KAT6B: variants seen among roughly 807,000 people sequenced by gnomAD.
KAT6B encodes the protein histone acetyltransferase KAT6B.
KAT6B carries 10 observed loss-of-function variants against 187.5 expected under a neutral mutation model. The ratio of observed to expected loss-of-function variants is 0.05; its 90% CI spans 0.03 to 0.09. KAT6B has a LOEUF of 0.09. Ranked by LOEUF, KAT6B falls within the 10% of genes least tolerant of loss-of-function variation. The pLI, the probability that KAT6B is intolerant of heterozygous loss-of-function variation, is 1.00. For synonymous variants in KAT6B, 861 were observed against 926.8 expected (o/e 0.93, Z 1.29); for missense variants, 1,952 against 2,558.9 (o/e 0.76, Z 5.12).
chr10:74,976,473 A>G (rs1363285780), intron 8 of KAT6B, 143 bp downstream of exon 8: 3 of 769,430 alleles, frequency 3.9e-6, no homozygotes, highest in African/African-American at 3.5e-5. Flanking sequence ...ATACAGAAGC[A>G]GTGAAACTTT....
chr10:75,013,981 C>A (rs1333637355), intron 13 of KAT6B, among the ~76,000 whole-genome samples: 6 of 152,192 alleles, frequency 3.9e-5, no homozygotes, highest in Non-Finnish European at 8.8e-5. Context: ...TGTTACCCAG[C>A]TTTAAAAAAC....
At chr10:74,990,333 T>A (rs11813191) in intron 13 of KAT6B, among the ~76,000 whole-genome samples, 18,339 of 150,632 alleles carry the variant, frequency 0.12, 2,136 homozygotes, top group African/African-American at 0.3. Context: ...CTTCATCAGC[T>A]ACATCAGATG....
intron 13 of KAT6B, among the ~76,000 whole-genome samples, chr10:74,989,698 C>A (rs1430853977): frequency 6.6e-6 from 1 of 151,936 alleles, no homozygotes; most frequent in Non-Finnish European, 1.5e-5. Context: ...ATCTTCTGAA[C>A]CTTCTCAGTT....
chr10:74,930,592 A>G (rs1839159532), intron 3 of KAT6B, among the ~76,000 whole-genome samples: 1 of 152,250 alleles, frequency 6.6e-6, no homozygotes, highest in Non-Finnish European at 1.5e-5. Flanking sequence ...TTGATGTGAC[A>G]GGAATTGATT....
chr10:75,009,579 T>C (rs1564619128), intron 13 of KAT6B, among the ~76,000 whole-genome samples: 1 of 152,174 alleles, frequency 6.6e-6, no homozygotes. Flanking sequence ...TAGAGAAATG[T>C]GTCATCTACA....
chr10:74,934,313 CT>C (rs1162797943), intron 3 of KAT6B, among the ~76,000 whole-genome samples: 1 of 151,266 alleles, frequency 6.6e-6, no homozygotes, highest in East Asian at 1.9e-4. Context: ...TTTCTGAAAA[CT>C]TTATTGAATT....
At chr10:74,885,467 A>G (rs1376548014) in intron 3 of KAT6B, among the ~76,000 whole-genome samples, 1 of 152,214 alleles carries the variant, frequency 6.6e-6, no homozygotes, top group Non-Finnish European at 1.5e-5. Context: ...TTGATATTGG[A>G]TAATATTGCT....
intron 3 of KAT6B, among the ~76,000 whole-genome samples, chr10:74,895,608 C>T (rs1008625639): frequency 6.6e-6 from 1 of 152,080 alleles, no homozygotes; most frequent in Non-Finnish European, 1.5e-5. Context: ...GGTGCAATCT[C>T]AGCTCACTAC....
intron 3 of KAT6B, among the ~76,000 whole-genome samples, chr10:74,872,128 A>G (rs1424513437): frequency 6.6e-6 from 1 of 152,164 alleles, no homozygotes; most frequent in African/African-American, 2.4e-5. Flanking sequence ...TCTGGCACAG[A>G]CTAGATACTC....
chr10:74,911,159 T>C (rs777251602), intron 3 of KAT6B, among the ~76,000 whole-genome samples: 1 of 152,220 alleles, frequency 6.6e-6, no homozygotes, highest in African/African-American at 2.4e-5. Context: ...TGCTCCTAGA[T>C]GACAGCATAT....
In KAT6B at chr10:75,020,688, G is replaced by C; in HGVS notation, c.2736G>C (p.Glu912Asp). The change falls in exon 14 of 18, where the codon GAG (glutamate) becomes GAC (aspartate). Residue 912 changes from glutamate (E) to aspartate (D), a missense_variant. Coordinates refer to ENST00000287239, the MANE Select transcript of KAT6B (RefSeq NM_012330.4). ...CATATTGGAAGAGCGTCATCTTGGA[G>C]TATCTCTACCACCACCATGAGAGGC... ...YLAYWKSVILEYLYHHHERHI... is the reference protein window; with the variant it reads ...YLAYWKSVILDYLYHHHERHI... The C allele has an allele frequency of 6.2e-7, 1 of 1,613,862 alleles. No individual in the cohort carries two copies. Among genetic ancestry groups the C allele is most frequent in the Non-Finnish European group, 8.5e-7 (1 of 1,179,926 alleles).
intron 3 of KAT6B, among the ~76,000 whole-genome samples, chr10:74,907,766 G>GTGA (rs1324442369): frequency 5.9e-5 from 9 of 152,280 alleles, no homozygotes; most frequent in African/African-American, 2.2e-4. Context: ...TTGACCTCAG[G>GTGA]TGATGCATCT....
At chr10:75,010,492 G>A (rs1018123642) in intron 13 of KAT6B, among the ~76,000 whole-genome samples, 1 of 152,154 alleles carries the variant, frequency 6.6e-6, no homozygotes, top group Non-Finnish European at 1.5e-5. Context: ...TTTGCTGTGT[G>A]AAAGCTCATC....
At position 75,028,621 on chromosome 10, in the gene KAT6B, A is replaced by G; in HGVS notation, c.3797A>G (p.Lys1266Arg). 1 of 1,614,200 alleles carries G rather than the reference A, an allele frequency of 6.2e-7. No individual in the cohort carries two copies. Among genetic ancestry groups the G allele is most frequent in the South Asian group, 1.1e-5 (1 of 91,078 alleles). The change falls in exon 18 of 18, where the codon AAG becomes AGG. Residue 1266 changes from lysine (K) to arginine (R), a missense_variant. By Grantham distance (26) the Lys-to-Arg change is conservative (BLOSUM62 2). Coordinates refer to ENST00000287239, the MANE Select transcript of KAT6B (RefSeq NM_012330.4). ...AAGTGGAGGCAAAACAAAGAGAGGA[A>G]GACCGGATTTAAACTGAATTTGTAC... Reference protein sequence around the residue: ...LSKWRQNKERKTGFKLNLYTP... With the variant: ...LSKWRQNKERRTGFKLNLYTP...
chr10:75,004,369 C>T (rs1844061381), intron 13 of KAT6B, among the ~76,000 whole-genome samples: 1 of 152,196 alleles, frequency 6.6e-6, no homozygotes, highest in African/African-American at 2.4e-5. Context: ...GTATGACTGT[C>T]AACACCTGCC....
intron 13 of KAT6B, among the ~76,000 whole-genome samples, chr10:74,990,150 G>T (rs1249979764): frequency 7.1e-6 from 1 of 141,354 alleles, no homozygotes; most frequent in Non-Finnish European, 1.5e-5. Context: ...AGCCGAGATG[G>T]TGCCACTGCA....
chr10:74,886,138 C>T (rs1845245537), intron 3 of KAT6B, among the ~76,000 whole-genome samples: 1 of 152,138 alleles, frequency 6.6e-6, no homozygotes, highest in Admixed American at 6.6e-5. Context: ...ATGGTTGGGG[C>T]TGTAACAGGA....
At chr10:74,908,604 T>A (rs1185334413) in intron 3 of KAT6B, among the ~76,000 whole-genome samples, 1 of 151,394 alleles carries the variant, frequency 6.6e-6, no homozygotes, top group Admixed American at 6.6e-5. Flanking sequence ...ATAAGTTGCC[T>A]AGTTTCAGGC....
At chr10:74,887,925 G>A (rs12252917) in intron 3 of KAT6B, among the ~76,000 whole-genome samples, 1 of 152,078 alleles carries the variant, frequency 6.6e-6, no homozygotes, top group South Asian at 2.1e-4. Context: ...GATTGAGACT[G>A]CAGTAAGCTA....
Sources: allele counts gnomAD v4.1 joint callset (sites outside exome capture counted in the v4.1 genomes callset), GRCh38; gene constraint gnomAD v4.1.1; transcripts MANE v1.5; gene names NCBI Gene and HGNC (gene_info 2026-07-23, HGNC 2026-07-21).